The following CYP2S1 variants were observed in gnomAD, a reference collection of about 807,000 sequenced individuals.
CYP2S1 encodes the protein cytochrome P450 2S1.
In CYP2S1, 32 loss-of-function variants were observed where a neutral mutation model predicts 43.5. The observed-to-expected ratio is 0.74, with a 90% confidence interval of 0.56 to 0.99. The LOEUF (loss-of-function observed/expected upper bound fraction) is 0.99, where lower values mean the gene tolerates loss of function less well. Ranked by LOEUF, CYP2S1 falls within the 50% of genes least tolerant of loss-of-function variation. The pLI, the probability that CYP2S1 is intolerant of heterozygous loss-of-function variation, is 0.00. For missense variants in CYP2S1, 575 were observed against 673.9 expected, an observed-to-expected ratio of 0.85 and a Z score of 1.62; for synonymous variants, 283 against 302.9, an observed-to-expected ratio of 0.93 and a Z score of 0.68.
At chr19:41,205,178 C>G (rs529549037) in intron 7 of CYP2S1, among the ~76,000 whole-genome samples, 1 of 152,092 alleles carries the variant, frequency 6.6e-6, no homozygotes, top group Non-Finnish European at 1.5e-5. Flanking sequence ...ATCTTTAAAG[C>G]AACCCTATAC....
chr19:41,203,086 C>T (rs2033510905), intron 6 of CYP2S1, among the ~76,000 whole-genome samples: 1 of 150,972 alleles, frequency 6.6e-6, no homozygotes, highest in South Asian at 2.1e-4. Flanking sequence ...GGTGGCAGAG[C>T]GTGTAATCCC....
In CYP2S1 at chr19:41,198,954, G is replaced by A; in HGVS notation, c.834+66G>A. 6.5e-7 allele frequency: 1 copy of A among 1,541,364 alleles called. No homozygotes were observed. Among genetic ancestry groups the A allele is most frequent in the Non-Finnish European group, 8.8e-7 (1 of 1,140,188 alleles). ...GGTGACCTGGCAGGTCCCCAGCCAG[G>A]TGTCCCTGGGGACCTCAATTGGGTT... On this transcript the variant is annotated intron_variant, in intron 5 of 8. Transcript: ENST00000310054. This position sits in a 1 kb window ranked among gnomAD's most constrained non-coding sequence, Gnocchi z 4.9.
chr19:41,193,375 G>A lies in CYP2S1; in HGVS notation c.111G>A (p.Thr37=). 6.5e-7 allele frequency: 1 copy of A among 1,532,554 alleles called. No homozygotes were observed. Among genetic ancestry groups the A allele is most frequent in the Admixed American group, 2.0e-5 (1 of 49,134 alleles). 94.9% of individuals were successfully genotyped at this position (1,532,554 alleles called of 1,614,324 possible). The change falls in exon 1 of 9, where the codon ACG becomes ACA. Residue 37 remains threonine (T), a synonymous_variant. Coordinates refer to ENST00000310054, the MANE Select transcript of CYP2S1 (RefSeq NM_030622.8). ...GAGGCCACCTGCCCCCCGGGCCCAC[G>A]CCGCTACCACTGCTGGGAAACCTCC... ...RARGHLPPGP[T]PLPLLGNLLQ...
intron 8 of CYP2S1, 73 bp from the exon 9 acceptor site, chr19:41,206,207 C>A: frequency 6.2e-7 from 1 of 1,610,628 alleles, no homozygotes. Flanking sequence ...GGCTCCTCCA[C>A]CTGCTGTTCC....
chr19:41,203,301 T>A, intron 6 of CYP2S1, 149 bp from the exon 7 acceptor site: 1 of 606,416 alleles, frequency 1.6e-6, no homozygotes, highest in Non-Finnish European at 2.6e-6. Context: ...ACAAGATGTG[T>A]GGTCTTTGGG....
chr19:41,194,287 G>A (rs1391523890), intron 1 of CYP2S1, among the ~76,000 whole-genome samples: 1 of 152,106 alleles, frequency 6.6e-6, no homozygotes, highest in Non-Finnish European at 1.5e-5. Flanking sequence ...AGCGTCAGAG[G>A]TTAGGGTTCA....
At chr19:41,205,815 C>A (rs1332105792) in intron 7 of CYP2S1, 143 bp from the exon 8 acceptor site, 2 of 1,085,634 alleles carry the variant, frequency 1.8e-6, no homozygotes, top group Non-Finnish European at 2.6e-6. Flanking sequence ...AGCCACTGCA[C>A]GCCACTCAAC....
Position 41,207,141 on chromosome 19 carries a change from G to A in CYP2S1, c.*653G>A. ...ACTGAGACACGCCGCCCCCACAGAG[G>A]CACAGTCCCCAGCCACCTCTGCAAC... On this transcript the variant is annotated 3_prime_UTR_variant, in exon 9 of 9. Transcript: ENST00000310054. The A allele has an allele frequency of 3.4e-6, 1 of 294,086 alleles. No homozygotes were observed. Among genetic ancestry groups the A allele is most frequent in the Non-Finnish European group, 6.7e-6 (1 of 149,152 alleles). 18.2% of individuals were successfully genotyped at this position (294,086 alleles called of 1,614,324 possible).
In CYP2S1 at chr19:41,201,366, G is replaced by T; in HGVS notation, c.970G>T (p.Val324Phe). The part of the protein sequence containing the change: ...TLLLLMKYPH[V>F]QKWVREELNR... ...CCTGCTCCTGATGAAATACCCTCATGTCCAAAGTAAGAGCCTTTTCCACTT... is the reference window on the plus strand; with the variant it reads ...CCTGCTCCTGATGAAATACCCTCATTTCCAAAGTAAGAGCCTTTTCCACTT... Residue 324 changes from valine (V) to phenylalanine (F), a missense_variant, in exon 6 of 9, where the codon GTC (valine) becomes TTC (phenylalanine). Val to Phe is a conservative substitution (Grantham distance 50, BLOSUM62 -1). This residue lies in a region of CYP2S1 where 222 missense variants were observed against 306.3 expected (regional missense o/e 0.72). Transcript: ENST00000310054. 3 of 1,613,794 alleles carry T rather than the reference G, an allele frequency of 1.9e-6. No homozygotes were observed. Among genetic ancestry groups the T allele is most frequent in the Non-Finnish European group, 2.5e-6 (3 of 1,179,896 alleles).
intron 6 of CYP2S1, among the ~76,000 whole-genome samples, chr19:41,202,090 C>T (rs370832928): frequency 2.6e-5 from 4 of 152,206 alleles, no homozygotes; most frequent in African/African-American, 9.6e-5. Flanking sequence ...TGGGTTCAAG[C>T]AATTCTCCTG....
Position 41,206,890 on chromosome 19 carries a change from G to A in CYP2S1, c.*402G>A, listed in dbSNP as rs911536254. 15 of 422,670 alleles carry A rather than the reference G, an allele frequency of 3.5e-5. No individual in the cohort carries two copies. The highest frequency in any genetic ancestry group is 1.1e-4 in the South Asian group (6 of 56,902). The allele number at this position is 422,670 out of a possible 1,614,324, so 26.2% of individuals were successfully genotyped here. On this transcript the variant is annotated 3_prime_UTR_variant, in exon 9 of 9. Transcript: ENST00000310054. Reference sequence around the variant, plus strand: ...AGCTCACACGCCCTCTCCATTCATCGAACTTCTCAGTGTCCCTGTCCCTGG... The same window carrying A: ...AGCTCACACGCCCTCTCCATTCATCAAACTTCTCAGTGTCCCTGTCCCTGG...
Position 41,198,707 on chromosome 19 carries a change from A to T in CYP2S1, c.655-2A>T. The T allele has an allele frequency of 1.2e-6, 2 of 1,613,914 alleles. No individual in the cohort carries two copies. Reference sequence around the variant, plus strand: ...GAGAACTAGCTGCCCTTCTCCCCACAGACCTACGAGATGTTCTCCTGGTTC... The same window carrying T: ...GAGAACTAGCTGCCCTTCTCCCCACTGACCTACGAGATGTTCTCCTGGTTC... On this transcript the variant is annotated splice_acceptor_variant, in intron 4 of 8. Coordinates refer to ENST00000310054, the MANE Select transcript of CYP2S1 (RefSeq NM_030622.8). LOFTEE classifies it high-confidence loss of function. This position sits in a 1 kb window ranked among gnomAD's most constrained non-coding sequence, Gnocchi z 4.9.
In CYP2S1 at chr19:41,198,726, C is replaced by G; in HGVS notation, c.672C>G (p.Ser224=). 1 of 1,614,158 alleles carries G rather than the reference C, an allele frequency of 6.2e-7. No individual in the cohort carries two copies. Among genetic ancestry groups the G allele is most frequent in the Non-Finnish European group, 8.5e-7 (1 of 1,180,008 alleles). Residue 224 remains serine, a synonymous_variant, in exon 5 of 9, where the codon TCC becomes TCG. Coordinates refer to ENST00000310054, the MANE Select transcript of CYP2S1 (RefSeq NM_030622.8). This position sits in a 1 kb window ranked among gnomAD's most constrained non-coding sequence, Gnocchi z 4.9. The stretch of plus-strand genomic sequence containing the variant: ...CCCCACAGACCTACGAGATGTTCTC[C>G]TGGTTCCTGCGGCCCCTGCCAGGCC... ...SQGGQTYEMF[S]WFLRPLPGPH...
Position 41,193,297 on chromosome 19 carries a change from G to A in CYP2S1, c.33G>A (p.Leu11=). 1 of 1,541,804 alleles carries A rather than the reference G, an allele frequency of 6.5e-7. No individual in the cohort carries two copies. Among genetic ancestry groups the A allele is most frequent in the Non-Finnish European group, 8.7e-7 (1 of 1,144,806 alleles). MEATGTWALL[L]ALALLLLLTL... ...CGACCGGCACCTGGGCGCTGCTGCTGGCGCTGGCGCTGCTCCTGCTGCTGA... is the reference window on the plus strand; with the variant it reads ...CGACCGGCACCTGGGCGCTGCTGCTAGCGCTGGCGCTGCTCCTGCTGCTGA... Residue 11 remains leucine, a synonymous_variant, in exon 1 of 9, where the codon CTG becomes CTA. Transcript: ENST00000310054.
intron 8 of CYP2S1, 30 bp from the exon 9 acceptor site, chr19:41,206,250 C>G (rs2033575700): frequency 1.9e-6 from 3 of 1,606,172 alleles, no homozygotes; most frequent in African/African-American, 1.4e-5. Flanking sequence ...AATACTGACT[C>G]AGCCCTCTCT....
In CYP2S1 at chr19:41,207,083, C is replaced by G; in HGVS notation, c.*595C>G. On this transcript the variant is annotated 3_prime_UTR_variant, in exon 9 of 9. Transcript: ENST00000310054. ...ACTTGTCCACACAGCTACCCACGTA[C>G]GACATCGTCCTGGCTCCCCAGAGTA... 1 of 327,566 alleles carries G rather than the reference C, an allele frequency of 3.1e-6. No individual in the cohort carries two copies. The highest frequency in any genetic ancestry group is 2.5e-5 in the South Asian group (1 of 39,450). The allele number at this position is 327,566 out of a possible 1,614,324, so 20.3% of individuals were successfully genotyped here.
At position 41,206,661 on chromosome 19, in the gene CYP2S1, CTAAGATGCACA is replaced by C; in HGVS notation, c.*174_*184del. On this transcript the variant is annotated 3_prime_UTR_variant, in exon 9 of 9. Transcript: ENST00000310054. ...CCACACGCTCACTTGACTCATGCTG[CTAAGATGCACA>C]ACCGCACACCCATACACAACTACAA... 1.2e-6 allele frequency: 1 copy of C among 864,774 alleles called. No homozygotes were observed. Among genetic ancestry groups the C allele is most frequent in the Non-Finnish European group, 2.0e-6 (1 of 509,034 alleles). The allele number at this position is 864,774 out of a possible 1,614,324, so 53.6% of individuals were successfully genotyped here. A position where few individuals can be genotyped will look rare whatever the true frequency, so the allele number is the denominator to read the frequency against.
In CYP2S1 at chr19:41,197,779, G is replaced by A. The variant is rs1306639892; in HGVS notation, c.344G>A (p.Gly115Glu). The change falls in exon 3 of 9, where the codon GGG (glycine) becomes GAG (glutamate). Residue 115 changes from glycine to glutamate, a missense_variant and splice_region_variant. This residue lies in a region of CYP2S1 where 353 missense variants were observed against 367.6 expected (regional missense o/e 0.96). Coordinates refer to ENST00000310054, the MANE Select transcript of CYP2S1 (RefSeq NM_030622.8). ...AMLEGTFDGH[G>E]VFFSNGERWR... ...TTTTTGAGTCTAGCCTTCTGCGCAG[G>A]GGTTTTCTTCTCCAACGGGGAGCGG... The A allele has an allele frequency of 2.5e-6, 4 of 1,613,952 alleles. No homozygotes were observed. The highest frequency in any genetic ancestry group is 3.3e-5 in the Admixed American group (2 of 60,002).
intron 5 of CYP2S1, among the ~76,000 whole-genome samples, chr19:41,199,615 C>T (rs1191791241): frequency 6.6e-6 from 1 of 151,858 alleles, no homozygotes; most frequent in Non-Finnish European, 1.5e-5. Flanking sequence ...AATTCCTGGG[C>T]TCATGTAATC....
Sources: gnomAD v4.1 joint callset for allele counts (sites outside exome capture counted in the v4.1 genomes callset) on GRCh38, gnomAD v4.1.1 for gene constraint, gnomAD v4.1.1 regional missense constraint, Gnocchi (gnomAD v3.1) non-coding constraint, MANE v1.5 for transcripts, NCBI Gene and HGNC (gene_info 2026-07-23, HGNC 2026-07-21) for gene names.